PATJ: variants seen among roughly 807,000 people sequenced by gnomAD.
The protein encoded by PATJ is inaD-like protein.
In PATJ, 190 loss-of-function variants were observed where a neutral mutation model predicts 224.9. That is an observed-to-expected ratio of 0.84 (90% CI 0.75 to 0.95). The LOEUF is 0.95. PATJ is among the 40% of genes least tolerant of loss of function. The pLI is 0.00. For synonymous variants in PATJ, 769 were observed against 820.3 expected (o/e 0.94, Z 1.07); for missense variants, 2,121 against 2,270.3 (o/e 0.93, Z 1.34).
chr1:61,815,411 A>G (rs1164913655), intron 14 of PATJ, among the ~76,000 whole-genome samples: 1 of 152,218 alleles, frequency 6.6e-6, no homozygotes, highest in African/African-American at 2.4e-5. Flanking sequence ...GGTTTTGAGC[A>G]GGGTTTTGTC....
chr1:62,063,179 A>G (rs1185697949), intron 31 of PATJ, among the ~76,000 whole-genome samples: 1 of 152,140 alleles, frequency 6.6e-6, no homozygotes, highest in African/African-American at 2.4e-5. Flanking sequence ...GTTAACTTTT[A>G]TGTATGGTAC....
rs576951458 is a variant in PATJ at position 62,079,664 on chromosome 1, GTCTGACTCTGGATACTT to G, written c.4243+98_4243+114del. On this transcript the variant is annotated intron_variant, in intron 32 of 43. Coordinates refer to ENST00000642238, the MANE Select transcript of PATJ (RefSeq NM_001350145.3). The stretch of plus-strand genomic sequence containing the variant: ...ACGAGAACTGGACCAGGAGGCAGAA[GTCTGACTCTGGATACTT>G]CCTCCGCTTCCTTAGCTTTGGGGCT... 2.5e-4 allele frequency: 194 copies of G among 769,490 alleles called. No homozygotes were observed. In the South Asian group the frequency reaches 3.1e-3, roughly 12 times the overall value. The allele number at this position is 769,490 out of a possible 1,614,324, so 47.7% of individuals were successfully genotyped here. A position where few individuals can be genotyped will look rare whatever the true frequency, so the allele number is the denominator to read the frequency against.
intron 1 of PATJ, among the ~76,000 whole-genome samples, chr1:61,746,151 A>G (rs1645015803): frequency 6.6e-6 from 1 of 152,020 alleles, no homozygotes; most frequent in Non-Finnish European, 1.5e-5. Context: ...CATGTTGGCC[A>G]GGCTGGTCTC....
At chr1:61,911,212 T>G (rs1368356817) in intron 25 of PATJ, among the ~76,000 whole-genome samples, 3 of 152,048 alleles carry the variant, frequency 2.0e-5, no homozygotes, top group African/African-American at 4.8e-5. Context: ...TGTTGTTGTT[T>G]TTTGTTTGTT....
intron 37 of PATJ, 114 bp downstream of exon 37, chr1:62,117,332 G>A (rs534074006): frequency 3.1e-5 from 45 of 1,470,608 alleles, no homozygotes; most frequent in Admixed American, 7.3e-5. Flanking sequence ...CATATTCACA[G>A]CACCAAGTTT....
intron 27 of PATJ, among the ~76,000 whole-genome samples, chr1:61,936,338 A>T (rs1250983726): frequency 6.7e-6 from 1 of 148,970 alleles, no homozygotes; most frequent in Non-Finnish European, 1.5e-5. Context: ...AATATTCTAT[A>T]TTCAAGTTTA....
chr1:62,156,054 TAAAAAA>T (rs34300724), intron 43 of PATJ, among the ~76,000 whole-genome samples: 11 of 43,056 alleles, frequency 2.6e-4, no homozygotes, highest in East Asian at 1.1e-3. Context: ...CAAGACTCTG[TAAAAAA>T]AAAAAAAAAA....
chr1:62,131,145 C>A (rs533327739), intron 41 of PATJ, among the ~76,000 whole-genome samples: 1 of 152,148 alleles, frequency 6.6e-6, no homozygotes, highest in African/African-American at 2.4e-5. Context: ...AAACACTGTG[C>A]GGACTGGGCA....
rs61770138 is a variant in PATJ at position 61,813,376 on chromosome 1, T to C, written c.1683+4846T>C. 2.9e-3 allele frequency among the ~76,000 whole-genome samples: 106 copies of C among 36,796 alleles called. 1 individual carries two copies. The highest frequency in any genetic ancestry group is 9.9e-3 in the African/African-American group (93 of 9,418). The allele number at this position is 36,796 out of a possible 152,430, so 24.1% of individuals were successfully genotyped here. On this transcript the variant is annotated intron_variant, in intron 14 of 43. Transcript: ENST00000642238. ...ATATATATATATATATATATATATATATACACACACACACACACACACATA... is the reference window on the plus strand; with the variant it reads ...ATATATATATATATATATATATATACATACACACACACACACACACACATA...
At chr1:62,089,873 A>C (rs1313083007) in intron 33 of PATJ, among the ~76,000 whole-genome samples, 2 of 152,238 alleles carry the variant, frequency 1.3e-5, no homozygotes, top group Admixed American at 1.3e-4. Context: ...TAAGTGATGC[A>C]TCCTGACTCC....
At chr1:62,072,257 T>C (rs1657546015) in intron 31 of PATJ, among the ~76,000 whole-genome samples, 1 of 152,212 alleles carries the variant, frequency 6.6e-6, no homozygotes, top group African/African-American at 2.4e-5. Context: ...CTAACTTACC[T>C]TTATCCCCCA....
chr1:62,139,399 CAAAAAAAAAAAAAA>C (rs4019658), intron 41 of PATJ, among the ~76,000 whole-genome samples: 45,155 of 95,390 alleles, frequency 0.47, 8,803 homozygotes, highest in Non-Finnish European at 0.54. Context: ...GACTCCATCT[CAAAAAAAAAAAAAA>C]AAAAAAAAAA....
chr1:61,952,624 T>C (rs1479866764), intron 27 of PATJ, among the ~76,000 whole-genome samples: 1 of 152,244 alleles, frequency 6.6e-6, no homozygotes, highest in Non-Finnish European at 1.5e-5. Context: ...CACTGTAGTT[T>C]GAATGTCCTT....
intron 41 of PATJ, among the ~76,000 whole-genome samples, chr1:62,129,717 G>C (rs563347879): frequency 6.6e-6 from 1 of 152,200 alleles, no homozygotes; most frequent in Non-Finnish European, 1.5e-5. Context: ...GAGGTGGGCG[G>C]ATCACCTGAG....
At chr1:61,871,491 A>ACATATATATG (rs1159325107) in intron 20 of PATJ, among the ~76,000 whole-genome samples, 2 of 112,858 alleles carry the variant, frequency 1.8e-5, no homozygotes, top group Non-Finnish European at 3.8e-5. Context: ...ATGTGTATAT[A>ACATATATATG]TGTATATATA....
At chr1:62,104,544 T>G (rs187686068) in intron 33 of PATJ, among the ~76,000 whole-genome samples, 1 of 152,220 alleles carries the variant, frequency 6.6e-6, no homozygotes, top group African/African-American at 2.4e-5. Flanking sequence ...AAATGTGGCC[T>G]TTTTTTCCCC....
At chr1:61,976,400 T>G (rs758079650) in intron 27 of PATJ, among the ~76,000 whole-genome samples, 1 of 151,936 alleles carries the variant, frequency 6.6e-6, no homozygotes, top group Non-Finnish European at 1.5e-5. Flanking sequence ...TGAGGGGTTT[T>G]TTTGTTTGTT....
chr1:62,134,711 TGGGTGTTG>T (rs2148969251), intron 41 of PATJ, among the ~76,000 whole-genome samples: 1 of 152,240 alleles, frequency 6.6e-6, no homozygotes, highest in East Asian at 1.9e-4. Flanking sequence ...AGGGAGTGCC[TGGGTGTTG>T]ATGTCCTTCC....
intron 6 of PATJ, among the ~76,000 whole-genome samples, chr1:61,774,326 T>G (rs1646799027): frequency 6.6e-6 from 1 of 152,044 alleles, no homozygotes; most frequent in South Asian, 2.1e-4. Flanking sequence ...GTAATGAGTA[T>G]GCCCTAATGA....
Sources: allele counts gnomAD v4.1 joint callset (sites outside exome capture counted in the v4.1 genomes callset), GRCh38; gene constraint gnomAD v4.1.1; transcripts MANE v1.5; gene names NCBI Gene and HGNC (gene_info 2026-07-23, HGNC 2026-07-21).